ARHGAP22: variants seen among roughly 807,000 people sequenced by gnomAD.
ARHGAP22 encodes Rho GTPase activating protein 22, also known as rho GTPase-activating protein 22.
Under a neutral mutation model 59.1 loss-of-function variants are expected in ARHGAP22, and 48 were observed. The ratio of observed to expected loss-of-function variants is 0.81; its 90% CI spans 0.64 to 1.03. The LOEUF (loss-of-function observed/expected upper bound fraction) is 1.03. Ranked by LOEUF, ARHGAP22 falls within the 50% of genes least tolerant of loss-of-function variation. The probability of loss-of-function intolerance (pLI) is 0.00; values close to 1 mark genes in which losing one functional copy is unlikely to be tolerated. For synonymous variants in ARHGAP22, 445 were observed against 416.4 expected (o/e 1.07, Z -0.84); for missense variants, 1,015 against 958.7 (o/e 1.06, Z -0.78).
chr10:48,590,532 C>T (rs1278119905), intron 1 of ARHGAP22, among the ~76,000 whole-genome samples: 1 of 152,170 alleles, frequency 6.6e-6, no homozygotes, highest in Admixed American at 6.5e-5. Flanking sequence ...TACCTGTTCC[C>T]CATAGCCCTC....
chr10:48,620,387 T>A (rs2061243706), intron 1 of ARHGAP22, among the ~76,000 whole-genome samples: 1 of 152,186 alleles, frequency 6.6e-6, no homozygotes, highest in Non-Finnish European at 1.5e-5. Flanking sequence ...GGCTCAGAGA[T>A]GTTAAGGGAC....
intron 3 of ARHGAP22, among the ~76,000 whole-genome samples, chr10:48,537,910 C>T (rs922771900): frequency 6.6e-6 from 1 of 152,208 alleles, no homozygotes; most frequent in Non-Finnish European, 1.5e-5. Context: ...GCTTGGTCTT[C>T]CGGCCCCTGA....
chr10:48,606,820 C>T (rs1224542066), upstream of ARHGAP22, among the ~76,000 whole-genome samples: 1 of 152,202 alleles, frequency 6.6e-6, no homozygotes, highest in Non-Finnish European at 1.5e-5. Context: ...CTAAGCACTT[C>T]CCCTGGGCCC....
intron 3 of ARHGAP22, among the ~76,000 whole-genome samples, chr10:48,525,081 G>A (rs753749725): frequency 1.3e-5 from 2 of 152,136 alleles, no homozygotes; most frequent in Non-Finnish European, 2.9e-5. Context: ...GAGTGTGTTC[G>A]GTGCAATCAC....
Position 48,459,849 on chromosome 10 carries a change from C to T in ARHGAP22, c.494G>A (p.Arg165Gln), listed in dbSNP as rs138486403. ...GGGCGCCAGGCGGGGGCCATACTTC[C>T]GCTCGTGGTGGACTGTTTCCTCTAG... Reference protein sequence around the residue: ...QRLEETVHHERKYGPRLAPLL... With the variant: ...QRLEETVHHEQKYGPRLAPLL... Residue 165 changes from arginine to glutamine, a missense_variant, in exon 5 of 10, where the codon CGG becomes CAG. Physicochemically the swap from Arg to Gln is conservative, Grantham distance 43 (BLOSUM62 1). Coordinates refer to ENST00000249601, the MANE Select transcript of ARHGAP22 (RefSeq NM_021226.4). 32 of 1,613,282 alleles carry T rather than the reference C, an allele frequency of 2.0e-5. No individual in the cohort carries two copies. In the East Asian group the frequency reaches 4.5e-4, roughly 22 times the overall value.
In ARHGAP22 at chr10:48,455,215, G is replaced by C. The variant is rs1412938919; in HGVS notation, c.660-81C>G. 4 of 1,444,158 alleles carry C rather than the reference G, an allele frequency of 2.8e-6. No homozygotes were observed. In the African/African-American group the frequency reaches 5.6e-5, roughly 20 times the overall value. The allele number at this position is 1,444,158 out of a possible 1,614,324, so 89.5% of individuals were successfully genotyped here. On this transcript the variant is annotated intron_variant, in intron 5 of 9. Transcript: ENST00000249601. ...GGTGACTGGTACGCCCTGACGCCAA[G>C]GGGCAGCCTCTGGTCTCAGGTGCAT...
At chr10:48,631,494 TA>T (rs1210105759) in intron 1 of ARHGAP22, among the ~76,000 whole-genome samples, 2 of 152,212 alleles carry the variant, frequency 1.3e-5, no homozygotes, top group East Asian at 1.9e-4. Context: ...ATAAGCCAAT[TA>T]AAATGATATA....
intron 3 of ARHGAP22, among the ~76,000 whole-genome samples, chr10:48,497,494 G>A (rs1459652659): frequency 6.6e-6 from 1 of 152,242 alleles, no homozygotes; most frequent in Non-Finnish European, 1.5e-5. Flanking sequence ...GGGAAGGAGG[G>A]AAGAGGATGT....
chr10:48,600,491 C>T (rs1474309192), intron 1 of ARHGAP22, among the ~76,000 whole-genome samples: 2 of 151,554 alleles, frequency 1.3e-5, no homozygotes, highest in Non-Finnish European at 2.9e-5. Flanking sequence ...GTAAATTATG[C>T]CTCAATAAGA....
At chr10:48,555,829 C>T (rs999840271) in intron 2 of ARHGAP22, among the ~76,000 whole-genome samples, 1 of 152,200 alleles carries the variant, frequency 6.6e-6, no homozygotes, top group African/African-American at 2.4e-5. Context: ...GGGAGGCTCC[C>T]ACCACTGGGA....
At chr10:48,611,839 TTCCCTTCC>T (rs2060900580) in intron 1 of ARHGAP22, among the ~76,000 whole-genome samples, 1 of 39,474 alleles carries the variant, frequency 2.5e-5, no homozygotes, top group Non-Finnish European at 4.7e-5. Context: ...TTCCCTTCCC[TTCCCTTCC>T]CTTCCCTTCC....
At chr10:48,476,861 G>A (rs1466730994) in intron 4 of ARHGAP22, among the ~76,000 whole-genome samples, 1 of 152,214 alleles carries the variant, frequency 6.6e-6, no homozygotes, top group Admixed American at 6.5e-5. Flanking sequence ...ATTTGGGCCA[G>A]GACCAAGCAC....
chr10:48,463,484 C>T (rs369095354), intron 4 of ARHGAP22, among the ~76,000 whole-genome samples: 1 of 152,322 alleles, frequency 6.6e-6, no homozygotes, highest in East Asian at 1.9e-4. Flanking sequence ...CCTGGCAGTG[C>T]CCCTGGTGCC....
chr10:48,507,343 C>T (rs1003483994), intron 3 of ARHGAP22, among the ~76,000 whole-genome samples: 1 of 152,206 alleles, frequency 6.6e-6, no homozygotes, highest in Non-Finnish European at 1.5e-5. Flanking sequence ...CTTGCTGACT[C>T]TTACTTTGCA....
chr10:48,523,989 G>A (rs1404611391), intron 3 of ARHGAP22: 4 of 1,405,772 alleles, frequency 2.8e-6, no homozygotes, highest in East Asian at 5.9e-5. Flanking sequence ...GAGTCCCCGA[G>A]GCGGGGCTGG....
chr10:48,589,043 C>T (rs1035734051), intron 1 of ARHGAP22, among the ~76,000 whole-genome samples: 1 of 152,130 alleles, frequency 6.6e-6, no homozygotes, highest in Non-Finnish European at 1.5e-5. Flanking sequence ...GCCGAGGGGC[C>T]GCTGTCACCT....
At chr10:48,537,269 C>T (rs1164593047) in intron 3 of ARHGAP22, among the ~76,000 whole-genome samples, 2 of 152,254 alleles carry the variant, frequency 1.3e-5, no homozygotes, top group Admixed American at 6.5e-5. Context: ...CAGCGTTATT[C>T]CTGCCACCAG....
intron 1 of ARHGAP22, among the ~76,000 whole-genome samples, chr10:48,630,905 G>T (rs1053541087): frequency 2.0e-5 from 3 of 152,220 alleles, no homozygotes; most frequent in African/African-American, 4.8e-5. Flanking sequence ...TATACATTTT[G>T]CTGTAGGGTT....
chr10:48,650,936 C>T (rs978337242), intron 1 of ARHGAP22, among the ~76,000 whole-genome samples: 2 of 152,204 alleles, frequency 1.3e-5, no homozygotes, highest in Non-Finnish European at 2.9e-5. Context: ...CCCAGGGGTC[C>T]TGGCTTCTAG....
Sources: allele counts gnomAD v4.1 joint callset (sites outside exome capture counted in the v4.1 genomes callset), GRCh38; gene constraint gnomAD v4.1.1; transcripts MANE v1.5; gene names NCBI Gene and HGNC (gene_info 2026-07-23, HGNC 2026-07-21).